The following FBXL17 variants were observed in gnomAD, a reference collection of about 807,000 sequenced individuals.
The protein encoded by FBXL17 is F-box/LRR-repeat protein 17.
FBXL17 carries 22 observed loss-of-function variants against 66.2 expected under a neutral mutation model. The ratio of observed to expected loss-of-function variants is 0.33; its 90% CI spans 0.24 to 0.47. The LOEUF (loss-of-function observed/expected upper bound fraction) is 0.47. Among genes scored for constraint, FBXL17 ranks in the 20% least tolerant of loss-of-function variants. FBXL17 has a pLI of 1.00. For synonymous variants in FBXL17, 474 were observed against 400.5 expected (o/e 1.18, Z -2.19); for missense variants, 878 against 948.2 (o/e 0.93, Z 0.97).
rs555046159 is a variant in FBXL17 at position 107,915,388 on chromosome 5, T to C, written c.1823-34209A>G. Among the ~76,000 whole-genome samples, 8 of 152,320 alleles carry C rather than the reference T, an allele frequency of 5.3e-5. No homozygotes were observed. In the East Asian group the frequency reaches 1.4e-3, roughly 26 times the overall value. On this transcript the variant is annotated intron_variant, in intron 7 of 8. Coordinates refer to ENST00000542267, the MANE Select transcript of FBXL17 (RefSeq NM_001163315.3). ...AAAAGAACCGTAGTTAATATGTCTT[T>C]GGTGTTTTTATTTTAGATAACTGCT...
At chr5:108,142,017 T>C (rs1394524793) in intron 6 of FBXL17, among the ~76,000 whole-genome samples, 1 of 152,244 alleles carries the variant, frequency 6.6e-6, no homozygotes, top group Non-Finnish European at 1.5e-5. Flanking sequence ...TTTCTCCTAC[T>C]AGAATGTCAG....
chr5:107,991,719 T>C (rs1753258027), intron 7 of FBXL17, among the ~76,000 whole-genome samples: 1 of 152,182 alleles, frequency 6.6e-6, no homozygotes, highest in Non-Finnish European at 1.5e-5. Context: ...AGATCTAAGT[T>C]TCCCTTGCTA....
intron 4 of FBXL17, among the ~76,000 whole-genome samples, chr5:108,242,900 C>T (rs1479672867): frequency 6.6e-6 from 1 of 152,082 alleles, no homozygotes; most frequent in Non-Finnish European, 1.5e-5. Context: ...TAATAATACA[C>T]TGAATGATTT....
chr5:108,317,556 G>A (rs571251209), intron 4 of FBXL17, among the ~76,000 whole-genome samples: 1 of 150,452 alleles, frequency 6.6e-6, no homozygotes, highest in Non-Finnish European at 1.5e-5. Context: ...CACTATTTTT[G>A]TATAAATTAA....
intron 6 of FBXL17, among the ~76,000 whole-genome samples, chr5:108,040,697 T>C (rs1561380983): frequency 6.6e-6 from 1 of 152,194 alleles, no homozygotes; most frequent in Non-Finnish European, 1.5e-5. Flanking sequence ...CTGGCTTGAA[T>C]TTAATATCTT....
At chr5:108,188,899 T>C (rs2150035359) in intron 5 of FBXL17, among the ~76,000 whole-genome samples, 1 of 152,156 alleles carries the variant, frequency 6.6e-6, no homozygotes, top group South Asian at 2.1e-4. Flanking sequence ...ACAAAATAAA[T>C]AGCAAATAAG....
At chr5:108,098,792 T>G (rs570918986) in intron 6 of FBXL17, among the ~76,000 whole-genome samples, 1 of 150,902 alleles carries the variant, frequency 6.6e-6, no homozygotes, top group African/African-American at 2.4e-5. Flanking sequence ...GCCATCAAAC[T>G]TTCCAAGCTG....
intron 6 of FBXL17, among the ~76,000 whole-genome samples, chr5:108,117,864 G>A (rs1750324255): frequency 6.6e-6 from 1 of 152,172 alleles, no homozygotes; most frequent in Admixed American, 6.5e-5. Context: ...ACATCTTGCA[G>A]AACTGCCAGA....
At chr5:107,894,368 T>C (rs2112522158) in intron 7 of FBXL17, among the ~76,000 whole-genome samples, 1 of 152,326 alleles carries the variant, frequency 6.6e-6, no homozygotes, top group African/African-American at 2.4e-5. Context: ...AGTGGCATAC[T>C]GAGTGGGAGA....
In FBXL17 at chr5:108,284,956, C is replaced by A. The variant is rs933274619; in HGVS notation, c.1507-60728G>T. Among the ~76,000 whole-genome samples the A allele has an allele frequency of 3.8e-4, 57 of 151,960 alleles. 1 individual carries two copies. The highest frequency in any genetic ancestry group is 1.3e-3 in the African/African-American group (55 of 41,536). On this transcript the variant is annotated intron_variant, in intron 4 of 8. Transcript: ENST00000542267. ...TCATATTTTACCCACAGCAAAACTT[C>A]TTTCTACTACAGAGTAAAAATTGAA...
Position 108,139,037 on chromosome 5 carries a change from C to G in FBXL17, c.1745+47080G>C, listed in dbSNP as rs529697692. On this transcript the variant is annotated intron_variant, in intron 6 of 8. Transcript: ENST00000542267. ...TAATCTTGTATTCATATGTGGCCAA[C>G]TGAGAAATCTTTAATACTCAGATGA... is the stretch of plus-strand genomic sequence containing the variant. Among the ~76,000 whole-genome samples, 12 of 152,232 alleles carry G rather than the reference C, an allele frequency of 7.9e-5. No homozygotes were observed. The East Asian group carries it at 2.3e-3, about 29-fold the overall frequency.
intron 4 of FBXL17, among the ~76,000 whole-genome samples, chr5:108,278,210 C>G (rs1345917388): frequency 6.6e-6 from 1 of 152,128 alleles, no homozygotes; most frequent in African/African-American, 2.4e-5. Context: ...CCTCCAACCC[C>G]CAAATCTAAC....
intron 4 of FBXL17, among the ~76,000 whole-genome samples, chr5:108,301,231 T>TA (rs1225640542): frequency 1.3e-5 from 2 of 151,694 alleles, no homozygotes; most frequent in African/African-American, 2.4e-5. Flanking sequence ...AGTCTTAAGA[T>TA]AGAGGGGACA....
At position 107,990,138 on chromosome 5, in the gene FBXL17, AT is replaced by A. The variant is rs1437392897; in HGVS notation, c.1822+30786del. Among the ~76,000 whole-genome samples the A allele has an allele frequency of 3.9e-5, 6 of 152,284 alleles. 1 individual carries two copies. The stretch of plus-strand genomic sequence containing the variant: ...TGTTGCTTTCTTCTGGCATCCTCCT[AT>A]GACAGGAAACTAGTAAGGTAAATTC... On this transcript the variant is annotated intron_variant, in intron 7 of 8. Coordinates refer to ENST00000542267, the MANE Select transcript of FBXL17 (RefSeq NM_001163315.3).
intron 6 of FBXL17, among the ~76,000 whole-genome samples, chr5:108,111,199 G>T (rs762433653): frequency 7.0e-5 from 10 of 143,074 alleles, no homozygotes; most frequent in Non-Finnish European, 1.2e-4. Context: ...TTCAAAACAT[G>T]AACAGAAATA....
chr5:108,109,853 T>G (rs41129), intron 6 of FBXL17, among the ~76,000 whole-genome samples: 22,530 of 152,196 alleles, frequency 0.15, 2,237 homozygotes, highest in South Asian at 0.41. Flanking sequence ...ACATTTTATC[T>G]GAATCACTTT....
chr5:107,894,686 A>G (rs1749314345), intron 7 of FBXL17, among the ~76,000 whole-genome samples: 1 of 152,148 alleles, frequency 6.6e-6, no homozygotes, highest in Non-Finnish European at 1.5e-5. Context: ...ACTCTTATAT[A>G]TAATTATACA....
chr5:108,195,516 T>C (rs968801607), intron 5 of FBXL17, among the ~76,000 whole-genome samples: 5 of 152,166 alleles, frequency 3.3e-5, no homozygotes, highest in African/African-American at 1.2e-4. Context: ...ACAGATCACA[T>C]AGGGTCTTGT....
At chr5:108,331,281 G>T (rs576471624) in intron 4 of FBXL17, among the ~76,000 whole-genome samples, 1 of 151,976 alleles carries the variant, frequency 6.6e-6, no homozygotes, top group East Asian at 1.9e-4. Flanking sequence ...TATGAAGGCA[G>T]ATATGAGCAC....
Sources: gnomAD v4.1 joint callset for allele counts (sites outside exome capture counted in the v4.1 genomes callset) on GRCh38, gnomAD v4.1.1 for gene constraint, MANE v1.5 for transcripts, NCBI Gene and HGNC (gene_info 2026-07-23, HGNC 2026-07-21) for gene names.